Variants in GNAI1 observed in about 807,000 individuals in gnomAD.
GNAI1 encodes the protein guanine nucleotide-binding protein G(i) subunit alpha-1.
In GNAI1, 11 loss-of-function variants were observed where a neutral mutation model predicts 38.9. The observed-to-expected ratio is 0.28, with a 90% confidence interval of 0.18 to 0.47. The LOEUF (loss-of-function observed/expected upper bound fraction) is 0.47, where lower values mean the gene tolerates loss of function less well. GNAI1 is among the 20% of genes least tolerant of loss of function. The probability of loss-of-function intolerance (pLI) is 0.99; values close to 1 mark genes in which losing one functional copy is unlikely to be tolerated. For missense variants in GNAI1, 317 were observed against 436.9 expected, an observed-to-expected ratio of 0.73 and a Z score of 2.45; for synonymous variants, 166 against 145.1, an observed-to-expected ratio of 1.14 and a Z score of -1.04.
intron 7 of GNAI1, among the ~76,000 whole-genome samples, chr7:80,215,894 A>G (rs1350407454): frequency 1.3e-5 from 2 of 152,180 alleles, no homozygotes; most frequent in African/African-American, 4.8e-5. Flanking sequence ...GAAGTACTAC[A>G]GTACCACAGG....
chr7:80,152,193 CCTT>C (rs1454915281), intron 1 of GNAI1, among the ~76,000 whole-genome samples: 2 of 152,138 alleles, frequency 1.3e-5, no homozygotes, highest in Non-Finnish European at 2.9e-5. Context: ...GGTGTCGTCT[CCTT>C]CTATACTGCC....
chr7:80,152,602 C>T (rs1441536136), intron 1 of GNAI1, among the ~76,000 whole-genome samples: 1 of 147,374 alleles, frequency 6.8e-6, no homozygotes, highest in African/African-American at 2.5e-5. Context: ...TTGCTCTTGC[C>T]CACGCTGGAG....
intron 3 of GNAI1, among the ~76,000 whole-genome samples, chr7:80,193,718 G>A (rs1788519875): frequency 6.6e-6 from 1 of 152,126 alleles, no homozygotes; most frequent in South Asian, 2.1e-4. Context: ...TAAGCATTGG[G>A]TTTACAGCAA....
At chr7:80,184,639 A>C (rs1051197445) in intron 1 of GNAI1, among the ~76,000 whole-genome samples, 1 of 152,056 alleles carries the variant, frequency 6.6e-6, no homozygotes, top group African/African-American at 2.4e-5. Context: ...GTTTTTTTCT[A>C]TCTATATGGA....
At chr7:80,207,913 A>T (rs1788802162) in intron 5 of GNAI1, among the ~76,000 whole-genome samples, 1 of 152,080 alleles carries the variant, frequency 6.6e-6, no homozygotes, top group South Asian at 2.1e-4. Context: ...ACTGTGTTTT[A>T]CTTTTTTTTG....
intron 1 of GNAI1, among the ~76,000 whole-genome samples, chr7:80,140,635 G>A (rs1170055186): frequency 6.6e-6 from 1 of 152,126 alleles, no homozygotes; most frequent in Non-Finnish European, 1.5e-5. Context: ...TGAGTCTTAC[G>A]AACTAAGGTC....
intron 4 of GNAI1, among the ~76,000 whole-genome samples, chr7:80,202,197 C>A (rs936605054): frequency 1.3e-5 from 2 of 152,098 alleles, no homozygotes; most frequent in Non-Finnish European, 1.5e-5. Context: ...GCAAGCGATT[C>A]TCCTGCCTCA....
intron 1 of GNAI1, among the ~76,000 whole-genome samples, chr7:80,167,858 C>CA (rs1788038256): frequency 6.6e-6 from 1 of 151,776 alleles, no homozygotes; most frequent in African/African-American, 2.4e-5. Flanking sequence ...CAAAATCATG[C>CA]AAAAAAAGTC....
chr7:80,202,370 C>T (rs1035003870), intron 4 of GNAI1, among the ~76,000 whole-genome samples: 12 of 152,094 alleles, frequency 7.9e-5, no homozygotes, highest in Non-Finnish European at 4.4e-5. Flanking sequence ...TTACAGGCGC[C>T]AGCCACCACG....
Position 80,135,210 on chromosome 7 carries a change from A to G in GNAI1, c.50A>G (p.Lys17Arg), listed in dbSNP as rs554748156. The change falls in exon 1 of 8, where the codon AAG becomes AGG. Residue 17 changes from lysine (K) to arginine (R), a missense_variant. By Grantham distance (26) the Lys-to-Arg change is conservative. Transcript: ENST00000649796. ...GACAAGGCGGCGGTGGAGCGGAGTA[A>G]GATGATCGACCGCAACCTCCGTGAG... The part of the protein sequence containing the change: ...AEDKAAVERS[K>R]MIDRNLREDG... 158 of 1,559,400 alleles carry G rather than the reference A, an allele frequency of 1.0e-4. No individual in the cohort carries two copies. The highest frequency in any genetic ancestry group is 1.3e-4 in the Non-Finnish European group (150 of 1,153,798).
chr7:80,136,929 C>T (rs950095333), intron 1 of GNAI1, among the ~76,000 whole-genome samples: 1 of 152,170 alleles, frequency 6.6e-6, no homozygotes, highest in Admixed American at 6.5e-5. Flanking sequence ...CAGAAGAGAT[C>T]AGTGTGTCTT....
At chr7:80,179,053 C>A (rs551379974) in intron 1 of GNAI1, among the ~76,000 whole-genome samples, 1 of 152,142 alleles carries the variant, frequency 6.6e-6, no homozygotes, top group Admixed American at 6.5e-5. Context: ...AATCCAGCTG[C>A]CTTTTATTGT....
At chr7:80,205,187 T>C (rs976593553) in intron 5 of GNAI1, among the ~76,000 whole-genome samples, 2 of 152,176 alleles carry the variant, frequency 1.3e-5, no homozygotes, top group Non-Finnish European at 2.9e-5. Context: ...ATTCACACAG[T>C]ATTAAAACCT....
chr7:80,178,648 ACAT>A (rs1475294907), intron 1 of GNAI1, among the ~76,000 whole-genome samples: 8 of 152,204 alleles, frequency 5.3e-5, no homozygotes, highest in Non-Finnish European at 8.8e-5. Context: ...CATTTTTTAG[ACAT>A]CATGCTATTG....
rs534106748 is a variant in GNAI1, at chr7:80,160,442, T to C, written c.118+25164T>C. ...ATTTTAGGCAGGTGGCTTCCATATA[T>C]CTAGGATGTATTCTGGTATTTCTGG... is the stretch of plus-strand genomic sequence containing the variant. On this transcript the variant is annotated intron_variant, in intron 1 of 7. Coordinates refer to ENST00000649796, the MANE Select transcript of GNAI1 (RefSeq NM_002069.6). 9.2e-5 allele frequency among the ~76,000 whole-genome samples: 14 copies of C among 152,194 alleles called. No individual in the cohort carries two copies. The South Asian group carries it at 2.9e-3, about 32-fold the overall frequency.
At chr7:80,192,800 T>C (rs1788505721) in intron 3 of GNAI1, among the ~76,000 whole-genome samples, 1 of 152,124 alleles carries the variant, frequency 6.6e-6, no homozygotes, top group Non-Finnish European at 1.5e-5. Context: ...GGTTCAGCGA[T>C]TCTCCTGCCT....
intron 1 of GNAI1, among the ~76,000 whole-genome samples, chr7:80,157,869 G>A (rs1019674102): frequency 6.6e-6 from 1 of 151,880 alleles, no homozygotes; most frequent in African/African-American, 2.4e-5. Flanking sequence ...AAAACACCCG[G>A]CTAATTTTTT....
intron 5 of GNAI1, among the ~76,000 whole-genome samples, chr7:80,205,383 A>G (rs933155949): frequency 2.0e-5 from 3 of 152,084 alleles, no homozygotes; most frequent in Non-Finnish European, 2.9e-5. Flanking sequence ...AGTCATGGGC[A>G]TCAATTAGAT....
chr7:80,210,071 T>C (rs973972839), intron 5 of GNAI1, among the ~76,000 whole-genome samples: 8 of 152,344 alleles, frequency 5.3e-5, no homozygotes, highest in Admixed American at 1.3e-4. Context: ...TTTTAATTAG[T>C]GCACCATCTA....
Sources: allele counts gnomAD v4.1 joint callset (sites outside exome capture counted in the v4.1 genomes callset), GRCh38; gene constraint gnomAD v4.1.1; transcripts MANE v1.5; gene names NCBI Gene and HGNC (gene_info 2026-07-23, HGNC 2026-07-21).